Variants in PTPRD observed in about 807,000 individuals in gnomAD.
The protein encoded by PTPRD is protein tyrosine phosphatase receptor type D.
Under a neutral mutation model 214.5 loss-of-function variants are expected in PTPRD, and 34 were observed. The ratio of observed to expected loss-of-function variants is 0.16; its 90% CI spans 0.12 to 0.21. The LOEUF is 0.21. Among genes scored for constraint, PTPRD ranks in the 10% least tolerant of loss-of-function variants. The probability of loss-of-function intolerance (pLI) is 1.00; values close to 1 mark genes in which losing one functional copy is unlikely to be tolerated. For missense variants in PTPRD, 2,545 were observed against 2,398.7 expected (o/e 1.06, Z -1.27); for synonymous variants, 1,128 against 845.7 (o/e 1.33, Z -5.79).
chr9:9,229,372 T>A (rs1056178254), intron 9 of PTPRD, among the ~76,000 whole-genome samples: 15 of 152,132 alleles, frequency 9.9e-5, no homozygotes, highest in Admixed American at 7.9e-4. Context: ...AGGAAGACCA[T>A]GTGAGCTGTG....
intron 2 of PTPRD, among the ~76,000 whole-genome samples, chr9:10,428,095 C>T (rs1377166092): frequency 6.6e-6 from 1 of 151,780 alleles, no homozygotes; most frequent in African/African-American, 2.4e-5. Context: ...GCGGGAATAC[C>T]ATAAAGGTCA....
chr9:9,627,734 C>G (rs1393898498), intron 7 of PTPRD, among the ~76,000 whole-genome samples: 1 of 152,068 alleles, frequency 6.6e-6, no homozygotes. Context: ...ATATGTGAAG[C>G]CATTTGAGAT....
intron 2 of PTPRD, among the ~76,000 whole-genome samples, chr9:10,577,618 T>C (rs1270038667): frequency 6.6e-6 from 1 of 152,332 alleles, no homozygotes; most frequent in East Asian, 1.9e-4. Flanking sequence ...AATTGTTTTA[T>C]GCAACTGTCT....
At chr9:10,475,611 G>A (rs2099057614) in intron 2 of PTPRD, among the ~76,000 whole-genome samples, 2 of 152,008 alleles carry the variant, frequency 1.3e-5, no homozygotes, top group African/African-American at 4.8e-5. Flanking sequence ...AGAAAAAAAG[G>A]GACTCCTCCT....
intron 2 of PTPRD, among the ~76,000 whole-genome samples, chr9:10,511,975 T>TATATATATATATATAC (rs1566641481): frequency 4.8e-5 from 3 of 62,536 alleles, no homozygotes; most frequent in Non-Finnish European, 6.7e-5. Context: ...TACGTGTGTG[T>TATATATATATATATAC]GTATATATAT....
At chr9:9,596,681 G>A (rs2093377725) in intron 7 of PTPRD, among the ~76,000 whole-genome samples, 1 of 151,984 alleles carries the variant, frequency 6.6e-6, no homozygotes, top group African/African-American at 2.4e-5. Context: ...AGACTTGATT[G>A]TGTAAATCAG....
At chr9:10,294,805 A>G (rs1482801158) in intron 3 of PTPRD, among the ~76,000 whole-genome samples, 4 of 152,018 alleles carry the variant, frequency 2.6e-5, no homozygotes, top group African/African-American at 7.2e-5. Context: ...TTTACCAACT[A>G]TCTTTGATAT....
chr9:9,014,285 T>C (rs1397380321), intron 11 of PTPRD, among the ~76,000 whole-genome samples: 1 of 151,896 alleles, frequency 6.6e-6, no homozygotes, highest in Non-Finnish European at 1.5e-5. Context: ...GATCTTTCAT[T>C]CTCACAATCT....
intron 3 of PTPRD, among the ~76,000 whole-genome samples, chr9:10,266,298 AG>A (rs1261043124): frequency 6.6e-6 from 1 of 152,202 alleles, no homozygotes; most frequent in African/African-American, 2.4e-5. Flanking sequence ...AAAAATTGCA[AG>A]TATCTTAGTA....
chr9:9,748,080 G>C (rs1318771177), intron 6 of PTPRD, among the ~76,000 whole-genome samples: 10 of 152,170 alleles, frequency 6.6e-5, no homozygotes, highest in Non-Finnish European at 1.3e-4. Flanking sequence ...GGTGGTCCAA[G>C]CAAGATTTTC....
At chr9:8,907,008 T>C (rs896871437) in intron 11 of PTPRD, among the ~76,000 whole-genome samples, 5 of 152,032 alleles carry the variant, frequency 3.3e-5, no homozygotes, top group East Asian at 3.9e-4. Context: ...TAGGACAGAA[T>C]TGAAAACTGC....
Position 8,700,306 on chromosome 9 carries a change from A to C in PTPRD, c.64+33474T>G, listed in dbSNP as rs555433079. Among the ~76,000 whole-genome samples, 43 of 152,340 alleles carry C rather than the reference A, an allele frequency of 2.8e-4. No homozygotes were observed. The South Asian group carries it at 8.3e-3, about 29-fold the overall frequency. On this transcript the variant is annotated intron_variant, in intron 12 of 45. Transcript: ENST00000381196. ...AACTGTAGTAAAACCCTCGAATTCC[A>C]CTAAGAAGAGTAGTCAGCATAAAGG...
Position 9,777,162 on chromosome 9 carries a change from C to T in PTPRD, c.-367-10311G>A, listed in dbSNP as rs114184711. Among the ~76,000 whole-genome samples, 668 of 152,266 alleles carry T rather than the reference C, an allele frequency of 4.4e-3. 5 individuals are homozygous for T. Among genetic ancestry groups the T allele is most frequent in the African/African-American group, 0.015 (629 of 41,546 alleles). On this transcript the variant is annotated intron_variant, in intron 5 of 45. Transcript: ENST00000381196. ...TAAAAAATTAGAAACACTCTTACCT[C>T]TGGTCCTCAGATGTTCCTCAATAAA...
intron 9 of PTPRD, among the ~76,000 whole-genome samples, chr9:9,254,150 A>C (rs968848660): frequency 4.6e-5 from 7 of 152,096 alleles, no homozygotes; most frequent in Non-Finnish European, 8.8e-5. Context: ...TTCCCAAATA[A>C]GTGATATTAA....
At chr9:8,433,176 C>T (rs528216743) in intron 35 of PTPRD, among the ~76,000 whole-genome samples, 6 of 152,254 alleles carry the variant, frequency 3.9e-5, no homozygotes, top group African/African-American at 1.4e-4. Context: ...TGAAGAAATT[C>T]CCATCACCTA....
chr9:9,012,068 A>G (rs1412232045), intron 11 of PTPRD, among the ~76,000 whole-genome samples: 1 of 152,130 alleles, frequency 6.6e-6, no homozygotes, highest in Non-Finnish European at 1.5e-5. Context: ...GCAAGGTACC[A>G]TGTTGTGAGA....
chr9:8,477,514 C>G (rs1484064182), intron 30 of PTPRD, among the ~76,000 whole-genome samples: 1 of 152,098 alleles, frequency 6.6e-6, no homozygotes, highest in Non-Finnish European at 1.5e-5. Flanking sequence ...TTCAGTCAGG[C>G]TTTTTGTGTT....
chr9:10,033,201 C>T lies in PTPRD; in HGVS notation c.-472+517G>A, dbSNP rs541060098. Among the ~76,000 whole-genome samples the T allele has an allele frequency of 1.8e-4, 27 of 151,462 alleles. No homozygotes were observed. The South Asian group carries it at 4.2e-3, about 24-fold the overall frequency. ...GAGAGAGAGTTGGCAAATGGGGAGG[C>T]GTGTTGCTGAGAAACATGATACCAA... On this transcript the variant is annotated intron_variant, in intron 4 of 45. Coordinates refer to ENST00000381196, the MANE Select transcript of PTPRD (RefSeq NM_002839.4).
intron 2 of PTPRD, among the ~76,000 whole-genome samples, chr9:10,604,256 G>A (rs2078729783): frequency 6.6e-6 from 1 of 151,720 alleles, no homozygotes; most frequent in Admixed American, 6.6e-5. Flanking sequence ...TCTTGAATAT[G>A]GCCTGAAATT....
Sources: allele counts gnomAD v4.1 joint callset (sites outside exome capture counted in the v4.1 genomes callset), GRCh38; gene constraint gnomAD v4.1.1; transcripts MANE v1.5; gene names NCBI Gene and HGNC (gene_info 2026-07-23, HGNC 2026-07-21).